The following CACHD1 variants were observed in gnomAD, a reference collection of about 807,000 sequenced individuals.
CACHD1 encodes the protein VWFA and cache domain-containing protein 1.
CACHD1 carries 71 observed loss-of-function variants against 138.7 expected under a neutral mutation model. That is an observed-to-expected ratio of 0.51 (90% CI 0.42 to 0.62). The LOEUF is 0.62. Ranked by LOEUF, CACHD1 falls within the 20% of genes least tolerant of loss-of-function variation. The pLI, the probability that CACHD1 is intolerant of heterozygous loss-of-function variation, is 0.00. For synonymous variants in CACHD1, 578 were observed against 591.5 expected, an observed-to-expected ratio of 0.98 and a Z score of 0.33; for missense variants, 1,389 against 1,625.3, an observed-to-expected ratio of 0.85 and a Z score of 2.50.
At chr1:64,496,237 C>T (rs918548352) in intron 1 of CACHD1, among the ~76,000 whole-genome samples, 1 of 152,148 alleles carries the variant, frequency 6.6e-6, no homozygotes, top group African/African-American at 2.4e-5. Flanking sequence ...TGCAAAATTG[C>T]CCCACCTCAG....
At chr1:64,507,098 G>A (rs1428719254) in intron 1 of CACHD1, among the ~76,000 whole-genome samples, 2 of 152,208 alleles carry the variant, frequency 1.3e-5, no homozygotes, top group African/African-American at 4.8e-5. Context: ...TTCATGACTC[G>A]TAAATTAGTA....
intron 2 of CACHD1, among the ~76,000 whole-genome samples, chr1:64,564,092 G>A (rs1465040016): frequency 6.6e-6 from 1 of 152,126 alleles, no homozygotes; most frequent in African/African-American, 2.4e-5. Flanking sequence ...CTTTCTCTGA[G>A]CACCACTTGC....
chr1:64,655,126 A>G (rs980890805), intron 12 of CACHD1, among the ~76,000 whole-genome samples: 44 of 152,112 alleles, frequency 2.9e-4, no homozygotes, highest in African/African-American at 1.0e-3. Flanking sequence ...AATTAGCCAG[A>G]CGTGGTGACA....
intron 7 of CACHD1, among the ~76,000 whole-genome samples, chr1:64,639,349 A>G (rs1264388194): frequency 6.6e-6 from 1 of 152,214 alleles, no homozygotes; most frequent in Non-Finnish European, 1.5e-5. Flanking sequence ...AATTTACTGA[A>G]CTGTATATAC....
chr1:64,565,345 A>G (rs906686256), intron 2 of CACHD1, among the ~76,000 whole-genome samples: 2 of 152,106 alleles, frequency 1.3e-5, no homozygotes, highest in African/African-American at 2.4e-5. Context: ...AAGGCACTAA[A>G]TCTGTAGGAA....
chr1:64,641,845 G>T lies in CACHD1; in HGVS notation c.1032G>T (p.Leu344=). The T allele has an allele frequency of 6.4e-7, 1 of 1,563,424 alleles. No individual in the cohort carries two copies. The highest frequency in any genetic ancestry group is 8.6e-7 in the Non-Finnish European group (1 of 1,157,524). Residue 344 remains leucine, a synonymous_variant, in exon 8 of 27, where the codon CTG becomes CTT. Coordinates refer to ENST00000651257, the MANE Select transcript of CACHD1 (RefSeq NM_020925.4). The stretch of plus-strand genomic sequence containing the variant: ...ATACAGACATGGTCATCATTTACCT[G>T]TCAGCTGGCATTACATCAAAGGACT... ...QANTDMVIIY[L]SAGITSKDSS... is the part of the protein sequence containing the mutation.
chr1:64,681,977 G>A (rs1570480719), intron 25 of CACHD1, 28 bp from the exon 26 acceptor site: 2 of 1,590,560 alleles, frequency 1.3e-6, no homozygotes, highest in South Asian at 1.1e-5. Context: ...GCATAAGAGT[G>A]ACATTAACTG....
intron 15 of CACHD1, 87 bp from the exon 16 acceptor site, chr1:64,665,970 A>G: frequency 1.5e-6 from 1 of 684,062 alleles, no homozygotes; most frequent in East Asian, 3.0e-5. Flanking sequence ...GCACCACTGC[A>G]CTCCAGCCTG....
chr1:64,559,049 G>A (rs1160332347), intron 2 of CACHD1, among the ~76,000 whole-genome samples: 2 of 152,206 alleles, frequency 1.3e-5, no homozygotes, highest in East Asian at 1.9e-4. Flanking sequence ...CTGTTGGTGG[G>A]AGTGTAAATT....
At chr1:64,616,664 T>G (rs763147196) in intron 4 of CACHD1, among the ~76,000 whole-genome samples, 22 of 152,174 alleles carry the variant, frequency 1.4e-4, no homozygotes, top group Non-Finnish European at 2.4e-4. Flanking sequence ...TTTGTCTGGT[T>G]GTGTTTTATG....
In CACHD1 at chr1:64,550,635, T is replaced by A; in HGVS notation, c.240T>A (p.Asn80Lys). The change falls in exon 2 of 27, where the codon AAT becomes AAA. Residue 80 changes from asparagine (N) to lysine (K), a missense_variant. Around this residue, in one of 5 missense-constraint regions of CACHD1, gnomAD observed 1,000 missense variants for 1,114.7 expected, o/e 0.90. Transcript: ENST00000651257. ...TTGTTTACACTGAGAAAATCTCAAA[T>A]GGAGAAAGTGAAGTACAGCAGGTAA... ...NSFVYTEKIS[N>K]GESEVQQLAK... 6.2e-7 allele frequency: 1 copy of A among 1,611,638 alleles called. No individual in the cohort carries two copies. The highest frequency in any genetic ancestry group is 8.5e-7 in the Non-Finnish European group (1 of 1,177,824).
chr1:64,556,359 A>G (rs148093805), intron 2 of CACHD1, among the ~76,000 whole-genome samples: 295 of 152,352 alleles, frequency 1.9e-3, no homozygotes, highest in African/African-American at 6.5e-3. Context: ...GTGTGCTTTT[A>G]GCTCACAACC....
At chr1:64,653,386 TAAAAAAAAAAA>T (rs60661882) in intron 10 of CACHD1, among the ~76,000 whole-genome samples, 1 of 108,476 alleles carries the variant, frequency 9.2e-6, no homozygotes, top group Non-Finnish European at 2.1e-5. Flanking sequence ...TAAAAGAAGT[TAAAAAAAAAAA>T]AAAAAAAAAA....
At position 64,654,708 on chromosome 1, in the gene CACHD1, A is replaced by G; in HGVS notation, c.1687A>G (p.Ile563Val). 1.2e-6 allele frequency: 2 copies of G among 1,613,806 alleles called. No individual in the cohort carries two copies. The highest frequency in any genetic ancestry group is 1.7e-6 in the Non-Finnish European group (2 of 1,179,732). Residue 563 changes from isoleucine to valine, a missense_variant, in exon 12 of 27, where the codon ATC (isoleucine) becomes GTC (valine). By Grantham distance (29) the Ile-to-Val change is conservative. This residue lies in a region of CACHD1 where 1,000 missense variants were observed against 1,114.7 expected (regional missense o/e 0.90). Coordinates refer to ENST00000651257, the MANE Select transcript of CACHD1 (RefSeq NM_020925.4). ...CAGCCTCCCTCTGGGCAGCCAGATT[A>G]TCGCAGTCCCTGTGAACTCATCCCT... ...ILSLPLGSQI[I>V]AVPVNSSLSW...
At position 64,543,411 on chromosome 1, in the gene CACHD1, A is replaced by ATATATATATG. The variant is rs1570351076; in HGVS notation, c.199-7174_199-7173insGTATATATAT. Among the ~76,000 whole-genome samples, 2 of 144,258 alleles carry ATATATATATG rather than the reference A, an allele frequency of 1.4e-5. 1 individual carries two copies. Among genetic ancestry groups the ATATATATATG allele is most frequent in the African/African-American group, 5.1e-5 (2 of 38,894 alleles). The allele number at this position is 144,258 out of a possible 152,430, so 94.6% of individuals were successfully genotyped here. Reference sequence around the variant, plus strand: ...TCTCTAAAAAAAAATACATATATATATATATATATATATATTTAAATTAGC... The same window carrying ATATATATATG: ...TCTCTAAAAAAAAATACATATATATATATATATATGTATATATATATATATTTAAATTAGC... On this transcript the variant is annotated intron_variant, in intron 1 of 26. Transcript: ENST00000651257.
intron 2 of CACHD1, among the ~76,000 whole-genome samples, chr1:64,561,082 T>A (rs1004190576): frequency 6.6e-6 from 1 of 152,150 alleles, no homozygotes; most frequent in Non-Finnish European, 1.5e-5. Context: ...TTGTTTTTTT[T>A]TAAATCTATT....
chr1:64,677,788 C>G (rs1650044894), intron 22 of CACHD1, among the ~76,000 whole-genome samples: 1 of 149,330 alleles, frequency 6.7e-6, no homozygotes, highest in African/African-American at 2.5e-5. Flanking sequence ...ACTTATTGGA[C>G]TTTTTTTTTT....
intron 2 of CACHD1, among the ~76,000 whole-genome samples, chr1:64,576,262 C>T (rs1309454335): frequency 6.6e-6 from 1 of 152,218 alleles, no homozygotes; most frequent in Non-Finnish European, 1.5e-5. Context: ...CTGTAGCTTT[C>T]TGTTGAGAAT....
chr1:64,683,670 C>G (rs1650260784), intron 26 of CACHD1, among the ~76,000 whole-genome samples: 1 of 152,176 alleles, frequency 6.6e-6, no homozygotes, highest in African/African-American at 2.4e-5. Flanking sequence ...TTTCATTTTT[C>G]TCCATAATTG....
Sources: allele counts gnomAD v4.1 joint callset (sites outside exome capture counted in the v4.1 genomes callset), GRCh38; gene constraint gnomAD v4.1.1; regional missense constraint gnomAD v4.1.1; transcripts MANE v1.5; gene names NCBI Gene and HGNC (gene_info 2026-07-23, HGNC 2026-07-21).